RGS22: variants seen among roughly 807,000 people sequenced by gnomAD.
The protein encoded by RGS22 is regulator of G protein signaling 22.
In RGS22, 148 loss-of-function variants were observed where a neutral mutation model predicts 172.9. That is an observed-to-expected ratio of 0.86 (90% CI 0.75 to 0.98). The LOEUF (loss-of-function observed/expected upper bound fraction) is 0.98, where lower values mean the gene tolerates loss of function less well. Among genes scored for constraint, RGS22 ranks in the 50% least tolerant of loss-of-function variants. The pLI, the probability that RGS22 is intolerant of heterozygous loss-of-function variation, is 0.00. For missense variants in RGS22, 1,347 were observed against 1,440.8 expected (o/e 0.93, Z 1.05); for synonymous variants, 458 against 480.2 (o/e 0.95, Z 0.60).
chr8:100,064,665 T>C (rs1388797733), intron 7 of RGS22, among the ~76,000 whole-genome samples: 1 of 152,146 alleles, frequency 6.6e-6, no homozygotes, highest in Non-Finnish European at 1.5e-5. Context: ...TTTTAAAATG[T>C]AATATTCCAG....
At chr8:100,042,000 T>TA in intron 11 of RGS22, 84 bp from the exon 12 acceptor site, 1 of 732,646 alleles carries the variant, frequency 1.4e-6, no homozygotes, top group Non-Finnish European at 2.3e-6. Flanking sequence ...TTGGTATACA[T>TA]AGCACCGAAT....
intron 9 of RGS22, among the ~76,000 whole-genome samples, chr8:100,060,546 C>CA (rs1013614930): frequency 3.3e-5 from 5 of 150,944 alleles, no homozygotes; most frequent in South Asian, 2.1e-4. Flanking sequence ...ACAACTGCCA[C>CA]AAAAAACATA....
intron 2 of RGS22, among the ~76,000 whole-genome samples, chr8:100,101,795 A>G (rs1813513711): frequency 2.6e-5 from 4 of 151,884 alleles, no homozygotes; most frequent in Admixed American, 2.6e-4. Flanking sequence ...GATGTCTATA[A>G]CAGCATGGTA....
intron 6 of RGS22, among the ~76,000 whole-genome samples, chr8:100,069,865 T>G (rs1401398304): frequency 6.6e-6 from 1 of 151,650 alleles, no homozygotes; most frequent in Non-Finnish European, 1.5e-5. Flanking sequence ...CCATCTCTAC[T>G]AAAAATACAA....
chr8:99,964,270 T>A (rs1227410337), intron 24 of RGS22, among the ~76,000 whole-genome samples: 1 of 151,970 alleles, frequency 6.6e-6, no homozygotes, highest in Non-Finnish European at 1.5e-5. Flanking sequence ...CTGGGCAACA[T>A]GGCGAAACCT....
At chr8:100,096,752 TC>T (rs1231272805) in intron 2 of RGS22, among the ~76,000 whole-genome samples, 1 of 150,410 alleles carries the variant, frequency 6.6e-6, no homozygotes, top group Admixed American at 6.7e-5. Flanking sequence ...CAAGCAATCC[TC>T]CCACCTAGAC....
intron 21 of RGS22, among the ~76,000 whole-genome samples, chr8:99,982,354 C>T (rs534405558): frequency 6.6e-6 from 1 of 152,276 alleles, no homozygotes; most frequent in Admixed American, 6.5e-5. Context: ...ATCCTGATCA[C>T]TTATTCCTCT....
chr8:100,099,470 C>T (rs1264212302), intron 2 of RGS22, among the ~76,000 whole-genome samples: 3 of 152,170 alleles, frequency 2.0e-5, no homozygotes, highest in Non-Finnish European at 2.9e-5. Flanking sequence ...TCAAACCTCA[C>T]ACTTAAACTA....
intron 9 of RGS22, among the ~76,000 whole-genome samples, chr8:100,061,686 T>C (rs998368532): frequency 6.6e-6 from 1 of 152,196 alleles, no homozygotes; most frequent in Non-Finnish European, 1.5e-5. Context: ...GGAAGACTTA[T>C]ACACTGTTGG....
At chr8:100,014,117 C>A (rs2131403136) in intron 14 of RGS22, among the ~76,000 whole-genome samples, 1 of 152,084 alleles carries the variant, frequency 6.6e-6, no homozygotes, top group Non-Finnish European at 1.5e-5. Context: ...TATAAATGCC[C>A]TCAACTTTCC....
chr8:99,968,005 C>T (rs1201963576), intron 23 of RGS22, among the ~76,000 whole-genome samples: 2 of 152,172 alleles, frequency 1.3e-5, no homozygotes, highest in African/African-American at 2.4e-5. Flanking sequence ...CAGGCAAGTG[C>T]CCCTCTGGGA....
At chr8:99,967,174 G>A (rs547568033) in intron 23 of RGS22, among the ~76,000 whole-genome samples, 1 of 152,264 alleles carries the variant, frequency 6.6e-6, no homozygotes, top group African/African-American at 2.4e-5. Context: ...TGTGCTGTGA[G>A]GAATGATGCA....
chr8:100,051,674 T>C lies in RGS22; in HGVS notation c.1689+1128A>G, dbSNP rs1159484686. ...ACATATATAAATATATATTTATATA[T>C]GTTTATACATATATATATTTATATA... On this transcript the variant is annotated intron_variant, in intron 10 of 27. Transcript: ENST00000360863. Among the ~76,000 whole-genome samples, 82 of 43,596 alleles carry C rather than the reference T, an allele frequency of 1.9e-3. 26 individuals carry two copies. Among genetic ancestry groups the C allele is most frequent in the Admixed American group, 3.7e-3 (8 of 2,176 alleles). 28.6% of individuals were successfully genotyped at this position (43,596 alleles called of 152,430 possible).
intron 10 of RGS22, among the ~76,000 whole-genome samples, chr8:100,050,507 T>C (rs1821164709): frequency 6.6e-6 from 1 of 152,194 alleles, no homozygotes; most frequent in Non-Finnish European, 1.5e-5. Flanking sequence ...AAAACCACAT[T>C]ATATATCTTC....
At chr8:99,983,640 CTAGTTT>C (rs1364993179) in intron 21 of RGS22, among the ~76,000 whole-genome samples, 3 of 152,024 alleles carry the variant, frequency 2.0e-5, no homozygotes, top group African/African-American at 7.3e-5. Flanking sequence ...CCAAAATGAG[CTAGTTT>C]TAAAGTCACA....
chr8:99,970,980 A>G (rs1420121528), intron 23 of RGS22, among the ~76,000 whole-genome samples: 7 of 152,234 alleles, frequency 4.6e-5, no homozygotes, highest in Admixed American at 3.9e-4. Context: ...AATCCTCAAT[A>G]AAACATTTGC....
At chr8:100,048,009 A>G (rs1024885475) in intron 10 of RGS22, among the ~76,000 whole-genome samples, 11 of 152,026 alleles carry the variant, frequency 7.2e-5, no homozygotes, top group African/African-American at 2.7e-4. Flanking sequence ...GAAATGAAAC[A>G]AAGATACCCT....
intron 9 of RGS22, among the ~76,000 whole-genome samples, chr8:100,058,635 G>A (rs1809845310): frequency 6.6e-6 from 1 of 152,080 alleles, no homozygotes; most frequent in Non-Finnish European, 1.5e-5. Flanking sequence ...CCCTAGCATA[G>A]TATATCCAAC....
intron 3 of RGS22, among the ~76,000 whole-genome samples, chr8:100,082,230 CTTTTA>C (rs1316086375): frequency 1.3e-5 from 2 of 151,592 alleles, no homozygotes; most frequent in Non-Finnish European, 2.9e-5. Context: ...TTCTTTCCAA[CTTTTA>C]TTTTAGGTTT....
Sources: gnomAD v4.1 joint callset for allele counts (sites outside exome capture counted in the v4.1 genomes callset) on GRCh38, gnomAD v4.1.1 for gene constraint, MANE v1.5 for transcripts, NCBI Gene and HGNC (gene_info 2026-07-23, HGNC 2026-07-21) for gene names.